SERINC2: variants seen among roughly 807,000 people sequenced by gnomAD.
SERINC2 encodes the protein tumor differentially expressed protein 2.
In SERINC2, 56 loss-of-function variants were observed where a neutral mutation model predicts 54.2. The observed-to-expected ratio is 1.03, with a 90% confidence interval of 0.83 to 1.29. The LOEUF is 1.29. Among genes scored for constraint, SERINC2 ranks in the 50% most tolerant of loss-of-function variants. The pLI is 0.00. For missense variants in SERINC2, 614 were observed against 607.4 expected (o/e 1.01, Z -0.12); for synonymous variants, 272 against 253.1 (o/e 1.07, Z -0.71).
At chr1:31,424,520 G>A (rs1640980332) in intron 2 of SERINC2, among the ~76,000 whole-genome samples, 163 bp from the exon 3 acceptor site, 1 of 152,222 alleles carries the variant, frequency 6.6e-6, no homozygotes, top group Admixed American at 6.5e-5. Flanking sequence ...GGCGGAGGCA[G>A]TGGAGATAGA....
At chr1:31,431,661 A>C (rs1300450187) in intron 8 of SERINC2, among the ~76,000 whole-genome samples, 1 of 152,020 alleles carries the variant, frequency 6.6e-6, no homozygotes, top group Non-Finnish European at 1.5e-5. Flanking sequence ...CTTACAGCAC[A>C]GGCAGCAAAG....
chr1:31,415,794 T>C, intron 1 of SERINC2: 2 of 920,488 alleles, frequency 2.2e-6, no homozygotes, highest in South Asian at 5.0e-5. Context: ...TCAGGAGGGA[T>C]TTTTTTGCAT....
chr1:31,425,481 TG>T, intron 4 of SERINC2, 72 bp downstream of exon 4: 1 of 1,154,044 alleles, frequency 8.7e-7, no homozygotes, highest in South Asian at 1.2e-5. Context: ...AGGAACGTGG[TG>T]GGGCTGCTCT....
intron 8 of SERINC2, among the ~76,000 whole-genome samples, chr1:31,431,866 GAT>G (rs1641236778): frequency 3.3e-5 from 5 of 149,670 alleles, no homozygotes; most frequent in East Asian, 3.9e-4. Flanking sequence ...GGATAGGGTG[GAT>G]AGGGTGGACA....
intron 8 of SERINC2, among the ~76,000 whole-genome samples, chr1:31,432,429 T>G (rs1427309204): frequency 6.6e-6 from 1 of 151,720 alleles, no homozygotes. Context: ...CTGTTGTTCT[T>G]TTTTTAGTGT....
chr1:31,420,351 A>C (rs1640875832), intron 1 of SERINC2, among the ~76,000 whole-genome samples: 1 of 152,112 alleles, frequency 6.6e-6, no homozygotes, highest in African/African-American at 2.4e-5. Flanking sequence ...ATGTTTAAGA[A>C]CCAGAGCGAA....
rs978667241 is a variant in SERINC2, at chr1:31,414,246, C to T, written c.39+942C>T. ...CCAGCAAGACCCCGGCTGGGAGGCCCGTTCTCCCTTCCCTTTCCCCAGCCC... is the reference window on the plus strand; with the variant it reads ...CCAGCAAGACCCCGGCTGGGAGGCCTGTTCTCCCTTCCCTTTCCCCAGCCC... On this transcript the variant is annotated intron_variant, in intron 1 of 9. Coordinates refer to ENST00000373709, the MANE Select transcript of SERINC2 (RefSeq NM_178865.5). 9.7e-6 allele frequency: 13 copies of T among 1,341,314 alleles called. No individual in the cohort carries two copies. In the Admixed American group the frequency reaches 2.7e-4, roughly 27 times the overall value. 83.1% of individuals were successfully genotyped at this position (1,341,314 alleles called of 1,614,324 possible).
At chr1:31,430,031 A>G (rs1553134243) in intron 8 of SERINC2, among the ~76,000 whole-genome samples, 1 of 151,982 alleles carries the variant, frequency 6.6e-6, no homozygotes, top group Admixed American at 6.6e-5. Context: ...GCATCTTAGT[A>G]GGTGCTTATC....
Position 31,425,801 on chromosome 1 carries a change from C to G in SERINC2, c.498C>G (p.Gly166=), listed in dbSNP as rs782064320. The change falls in exon 5 of 10, where the codon GGC becomes GGG. Residue 166 remains glycine (G), a synonymous_variant. Transcript: ENST00000373709. ...TNIWFYFGVV[G]SFLFILIQLV... is the part of the protein sequence containing the mutation. ...TCTGGTTCTACTTCGGCGTCGTGGG[C>G]TCCTTCCTCTTCATCCTCATCCAGC... is the stretch of plus-strand genomic sequence containing the variant. The G allele has an allele frequency of 8.1e-6, 13 of 1,613,530 alleles. No individual in the cohort carries two copies. The highest frequency in any genetic ancestry group is 1.0e-5 in the Non-Finnish European group (12 of 1,179,908).
Position 31,413,684 on chromosome 1 carries a change from C to A in SERINC2, c.39+380C>A. The A allele has an allele frequency of 3.8e-6, 4 of 1,055,108 alleles. No individual in the cohort carries two copies. The highest frequency in any genetic ancestry group is 3.4e-4 in the Middle Eastern group (1 of 2,920). The allele number at this position is 1,055,108 out of a possible 1,614,324, so 65.4% of individuals were successfully genotyped here. On this transcript the variant is annotated intron_variant, in intron 1 of 9. Coordinates refer to ENST00000373709, the MANE Select transcript of SERINC2 (RefSeq NM_178865.5). The surrounding 1 kb of genome is among the most constrained non-coding windows in gnomAD (Gnocchi z 5.0). ...CGGTCCTCGGGGTGGCCTCTGTCCC[C>A]GTCCCGGACGCCCTGGTTCTCTGTG...
At chr1:31,421,176 G>C (rs1553132713) in intron 1 of SERINC2, among the ~76,000 whole-genome samples, 1 of 152,152 alleles carries the variant, frequency 6.6e-6, no homozygotes. Context: ...GTGCATGCGA[G>C]GGATCCAAGT....
In SERINC2 at chr1:31,413,816, T is replaced by G; in HGVS notation, c.39+512T>G. 4 of 1,384,644 alleles carry G rather than the reference T, an allele frequency of 2.9e-6. No individual in the cohort carries two copies. In the East Asian group the frequency reaches 9.3e-5, roughly 32 times the overall value. The allele number at this position is 1,384,644 out of a possible 1,614,324, so 85.8% of individuals were successfully genotyped here. On this transcript the variant is annotated intron_variant, in intron 1 of 9. Coordinates refer to ENST00000373709, the MANE Select transcript of SERINC2 (RefSeq NM_178865.5). This position sits in a 1 kb window ranked among gnomAD's most constrained non-coding sequence, Gnocchi z 5.0. Reference sequence around the variant, plus strand: ...CTCGGGCTCCGCCTGTCCGTTCGTATTTGTCTGGTTCCTGTCTGTGTCCGT... The same window carrying G: ...CTCGGGCTCCGCCTGTCCGTTCGTAGTTGTCTGGTTCCTGTCTGTGTCCGT...
At position 31,413,222 on chromosome 1, in the gene SERINC2, GCCC is replaced by G; in HGVS notation, c.-42_-40del. ...CCGGCACCCGGATCCCGAGGTCCGC[GCCC>G]CGCGCCCGGCGCCGGGCGCCCGAAG... On this transcript the variant is annotated 5_prime_UTR_variant, in exon 1 of 10. Transcript: ENST00000373709. This position sits in a 1 kb window ranked among gnomAD's most constrained non-coding sequence, Gnocchi z 5.0. The G allele has an allele frequency of 3.6e-6, 4 of 1,112,088 alleles. No homozygotes were observed. Among genetic ancestry groups the G allele is most frequent in the Non-Finnish European group, 4.4e-6 (4 of 914,390 alleles). The allele number at this position is 1,112,088 out of a possible 1,614,324, so 68.9% of individuals were successfully genotyped here.
rs1557500625 is a variant in SERINC2, at chr1:31,432,020, ACAGGG to A, written c.1014-946_1014-942del. 3.5e-4 allele frequency among the ~76,000 whole-genome samples: 39 copies of A among 112,488 alleles called. 2 individuals are homozygous for A. Among genetic ancestry groups the A allele is most frequent in the African/African-American group, 1.2e-3 (28 of 23,534 alleles). The allele number at this position is 112,488 out of a possible 152,430, so 73.8% of individuals were successfully genotyped here. On this transcript the variant is annotated intron_variant, in intron 8 of 9. Transcript: ENST00000373709. ...AGGGTGGATAGGGTGGATAGGGTGG[ACAGGG>A]TGGACAGGGTGGACAGGGTGGACAG...
rs563796121 is a variant in SERINC2, at chr1:31,413,697, C to T, written c.39+393C>T. The T allele has an allele frequency of 2.7e-5, 33 of 1,200,340 alleles. No individual in the cohort carries two copies. The African/African-American group carries it at 4.6e-4, about 17-fold the overall frequency. The allele number at this position is 1,200,340 out of a possible 1,614,324, so 74.4% of individuals were successfully genotyped here. A position where few individuals can be genotyped will look rare whatever the true frequency, so the allele number is the denominator to read the frequency against. On this transcript the variant is annotated intron_variant, in intron 1 of 9. Transcript: ENST00000373709. The surrounding 1 kb of genome is among the most constrained non-coding windows in gnomAD (Gnocchi z 5.0). Reference sequence around the variant, plus strand: ...GGCCTCTGTCCCCGTCCCGGACGCCCTGGTTCTCTGTGTAGGTCGCCCGGG... The same window carrying T: ...GGCCTCTGTCCCCGTCCCGGACGCCTTGGTTCTCTGTGTAGGTCGCCCGGG...
chr1:31,424,567 G>A, intron 2 of SERINC2, 116 bp from the exon 3 acceptor site: 5 of 832,440 alleles, frequency 6.0e-6, no homozygotes, highest in Non-Finnish European at 9.3e-6. Context: ...TCCAGCCCCT[G>A]CTGGGAGAGC....
Position 31,434,463 on chromosome 1 carries a change from A to C in SERINC2, c.*264A>C. ...CCTTCCCCTCCTCCCTGTTGCCCAT[A>C]CTCAGCATCTCGGATGAAAGGGCTC... On this transcript the variant is annotated 3_prime_UTR_variant, in exon 10 of 10. Transcript: ENST00000373709. 2 of 490,776 alleles carry C rather than the reference A, an allele frequency of 4.1e-6. No homozygotes were observed. Among genetic ancestry groups the C allele is most frequent in the South Asian group, 5.9e-5 (2 of 33,862 alleles). 30.4% of individuals were successfully genotyped at this position (490,776 alleles called of 1,614,324 possible).
At chr1:31,432,701 T>TC (rs1163788264) in intron 8 of SERINC2, among the ~76,000 whole-genome samples, 3 of 151,958 alleles carry the variant, frequency 2.0e-5, no homozygotes, top group South Asian at 2.1e-4. Context: ...TTCCGTCTAG[T>TC]CCCCCCAGCA....
At chr1:31,427,439 A>G (rs920900702) in intron 6 of SERINC2, among the ~76,000 whole-genome samples, 1 of 152,156 alleles carries the variant, frequency 6.6e-6, no homozygotes, top group East Asian at 1.9e-4. Flanking sequence ...CTTTAGCAGA[A>G]AGGCTGGGAA....
Sources: gnomAD v4.1 joint callset for allele counts (sites outside exome capture counted in the v4.1 genomes callset) on GRCh38, gnomAD v4.1.1 for gene constraint, Gnocchi (gnomAD v3.1) non-coding constraint, MANE v1.5 for transcripts, NCBI Gene and HGNC (gene_info 2026-07-23, HGNC 2026-07-21) for gene names.